Variants in SYNJ1 observed in about 807,000 individuals in gnomAD.
SYNJ1 encodes synaptojanin 1, also known as polyphosphatidylinositol phosphatase SYNJ1.
Under a neutral mutation model 168.2 loss-of-function variants are expected in SYNJ1, and 78 were observed. That is an observed-to-expected ratio of 0.46 (90% CI 0.39 to 0.56). The LOEUF (loss-of-function observed/expected upper bound fraction) is 0.56. SYNJ1 is among the 20% of genes least tolerant of loss of function. SYNJ1 has a pLI of 0.00. For synonymous variants in SYNJ1, 539 were observed against 548.6 expected (o/e 0.98, Z 0.24); for missense variants, 1,303 against 1,597.6 (o/e 0.82, Z 3.14).
Position 32,681,527 on chromosome 21 carries a change from G to A in SYNJ1, c.1322C>T (p.Ala441Val), listed in dbSNP as rs1335980562. Residue 441 changes from alanine (A) to valine (V), a missense_variant, in exon 11 of 33, where the codon GCA (alanine) becomes GTA (valine). Around this residue, in one of 2 missense-constraint regions of SYNJ1, gnomAD observed 920 missense variants for 1,208.8 expected, o/e 0.76. Transcript: ENST00000674351. ...TTTCCCTTCAAGAGCTCCAGTTCCT[G>A]CATATATCTTACTGATTGAATCACC... ...VNGDSISKIY[A>V]GTGALEGKAK... 6.2e-7 allele frequency: 1 copy of A among 1,613,088 alleles called. No homozygotes were observed. The highest frequency in any genetic ancestry group is 1.1e-5 in the South Asian group (1 of 90,914).
At chr21:32,647,446 C>G (rs2040117131) in intron 23 of SYNJ1, among the ~76,000 whole-genome samples, 1 of 152,144 alleles carries the variant, frequency 6.6e-6, no homozygotes, top group Admixed American at 6.5e-5. Context: ...GGACATTCGC[C>G]TTCACTCCTA....
chr21:32,648,646 A>C (rs1048606167), intron 23 of SYNJ1, among the ~76,000 whole-genome samples: 2 of 152,204 alleles, frequency 1.3e-5, no homozygotes, highest in African/African-American at 4.8e-5. Context: ...GTGTTTCCAC[A>C]TACTCAATCC....
At position 32,629,555 on chromosome 21, in the gene SYNJ1, G is replaced by A. The variant is rs1244151050; in HGVS notation, c.*2250C>T. On this transcript the variant is annotated 3_prime_UTR_variant, in exon 33 of 33. Coordinates refer to ENST00000674351, the MANE Select transcript of SYNJ1 (RefSeq NM_203446.3). Reference sequence around the variant, plus strand: ...ATTCTACATATTCGTAGCCATGAACGCTATTTTTTGATATTCCCTCAATGT... The same window carrying A: ...ATTCTACATATTCGTAGCCATGAACACTATTTTTTGATATTCCCTCAATGT... 1 of 152,576 alleles carries A rather than the reference G, an allele frequency of 6.6e-6. No individual in the cohort carries two copies. Among genetic ancestry groups the A allele is most frequent in the African/African-American group, 2.4e-5 (1 of 41,438 alleles). The allele number at this position is 152,576 out of a possible 1,614,324, so 9.5% of individuals were successfully genotyped here.
chr21:32,672,338 TTTTTTTTG>T (rs919710089), intron 14 of SYNJ1, among the ~76,000 whole-genome samples: 2 of 151,594 alleles, frequency 1.3e-5, no homozygotes, highest in African/African-American at 2.4e-5. Context: ...CTTTCTTTCT[TTTTTTTTG>T]TTTTTTTGTT....
intron 23 of SYNJ1, among the ~76,000 whole-genome samples, chr21:32,648,690 C>T (rs1002730144): frequency 7.9e-5 from 12 of 152,230 alleles, no homozygotes; most frequent in African/African-American, 2.9e-4. Flanking sequence ...GATTCATTCT[C>T]TTCTGTCTCG....
chr21:32,693,400 A>G (rs2042096938), intron 6 of SYNJ1, among the ~76,000 whole-genome samples: 1 of 152,210 alleles, frequency 6.6e-6, no homozygotes, highest in Admixed American at 6.5e-5. Flanking sequence ...AATCCTTGTT[A>G]ACTCTTAGAC....
intron 6 of SYNJ1, among the ~76,000 whole-genome samples, chr21:32,691,928 G>C (rs937533006): frequency 2.0e-5 from 3 of 152,192 alleles, no homozygotes; most frequent in African/African-American, 7.2e-5. Flanking sequence ...TGCAAGGCCT[G>C]AAGTTGGACA....
chr21:32,652,793 T>G (rs927589362), intron 22 of SYNJ1, among the ~76,000 whole-genome samples: 8 of 152,208 alleles, frequency 5.3e-5, no homozygotes, highest in Admixed American at 1.3e-4. Flanking sequence ...TGTTAAAAAT[T>G]TCTAAAATAC....
At chr21:32,727,855 G>A (rs978859745) in intron 1 of SYNJ1, 91 bp downstream of exon 1, 101 of 1,506,726 alleles carry the variant, frequency 6.7e-5, no homozygotes, top group Non-Finnish European at 8.2e-5. Flanking sequence ...CTGACGCTGC[G>A]GAGGCAGAGA....
chr21:32,697,806 T>C (rs2042264433), intron 4 of SYNJ1, among the ~76,000 whole-genome samples: 1 of 152,114 alleles, frequency 6.6e-6, no homozygotes, highest in South Asian at 2.1e-4. Flanking sequence ...AAAAAATCAA[T>C]CAACCAACCA....
At chr21:32,643,483 T>A (rs138328144) in intron 26 of SYNJ1, 26 bp from the exon 27 acceptor site, 6 of 1,610,734 alleles carry the variant, frequency 3.7e-6, no homozygotes, top group Non-Finnish European at 5.1e-6. Flanking sequence ...ACAGAAACTA[T>A]ATATTGTTCA....
intron 15 of SYNJ1, among the ~76,000 whole-genome samples, chr21:32,668,259 G>C (rs1262684805): frequency 1.3e-5 from 2 of 151,954 alleles, no homozygotes; most frequent in Admixed American, 6.6e-5. Context: ...GTAGAGATAG[G>C]GTTTCACTAT....
At chr21:32,645,070 C>A (rs2040001507) in intron 25 of SYNJ1, 64 bp from the exon 26 acceptor site, 11 of 1,506,334 alleles carry the variant, frequency 7.3e-6, no homozygotes, top group South Asian at 1.3e-5. Context: ...AGTGAAATGT[C>A]AAAGATTGCT....
rs2040908946 is a variant in SYNJ1 at position 32,665,887 on chromosome 21, G to C, written c.2145+56C>G. 2.1e-6 allele frequency: 3 copies of C among 1,462,754 alleles called. No individual in the cohort carries two copies. In the Admixed American group the frequency reaches 7.1e-5, roughly 35 times the overall value. The allele number at this position is 1,462,754 out of a possible 1,614,324, so 90.6% of individuals were successfully genotyped here. A position where few individuals can be genotyped will look rare whatever the true frequency, so the allele number is the denominator to read the frequency against. ...CAAAAACATTGATGTAGAATTTGGGGCAAATTAAAATATATTTCAAAGCTT... is the reference window on the plus strand; with the variant it reads ...CAAAAACATTGATGTAGAATTTGGGCCAAATTAAAATATATTTCAAAGCTT... On this transcript the variant is annotated intron_variant, in intron 17 of 32. Transcript: ENST00000674351.
chr21:32,644,378 G>A (rs1477163443), intron 26 of SYNJ1, among the ~76,000 whole-genome samples: 1 of 152,204 alleles, frequency 6.6e-6, no homozygotes, highest in Non-Finnish European at 1.5e-5. Context: ...AATAGAAACA[G>A]ACCAGGCTAC....
chr21:32,662,278 A>G (rs531817761), intron 18 of SYNJ1, among the ~76,000 whole-genome samples: 1 of 152,340 alleles, frequency 6.6e-6, no homozygotes, highest in African/African-American at 2.4e-5. Flanking sequence ...TTGGACTTGT[A>G]TAGTAAAAAC....
rs2041853951 is a variant in SYNJ1 at position 32,686,865 on chromosome 21, T to C, written c.948+113A>G. ...AAGTTTCCAACAAGTACCCAACCTT[T>C]TTCTTGGAAGTAATTTACTTCCTGG... On this transcript the variant is annotated intron_variant, in intron 8 of 32. Coordinates refer to ENST00000674351, the MANE Select transcript of SYNJ1 (RefSeq NM_203446.3). The C allele has an allele frequency of 4.1e-6, 3 of 734,114 alleles. No individual in the cohort carries two copies. In the South Asian group the frequency reaches 6.3e-5, roughly 15 times the overall value. 45.5% of individuals were successfully genotyped at this position (734,114 alleles called of 1,614,324 possible). A position where few individuals can be genotyped will look rare whatever the true frequency, so the allele number is the denominator to read the frequency against.
At chr21:32,727,855 G>T (rs978859745) in intron 1 of SYNJ1, 91 bp downstream of exon 1, 2 of 1,506,844 alleles carry the variant, frequency 1.3e-6, no homozygotes, top group Admixed American at 4.1e-5. Context: ...CTGACGCTGC[G>T]GAGGCAGAGA....
chr21:32,651,102 T>G (rs1294338559), intron 22 of SYNJ1, among the ~76,000 whole-genome samples: 3 of 152,232 alleles, frequency 2.0e-5, no homozygotes, highest in African/African-American at 7.2e-5. Flanking sequence ...GCAAGACTCT[T>G]TGGTCAAGGA....
Sources: gnomAD v4.1 joint callset for allele counts (sites outside exome capture counted in the v4.1 genomes callset) on GRCh38, gnomAD v4.1.1 for gene constraint, gnomAD v4.1.1 regional missense constraint, MANE v1.5 for transcripts, NCBI Gene and HGNC (gene_info 2026-07-23, HGNC 2026-07-21) for gene names.